The following SEPTIN7 variants were observed in gnomAD, a reference collection of about 807,000 sequenced individuals.
The protein encoded by SEPTIN7 is septin 7, also known as septin-7.
A neutral mutation model predicts 63.3 loss-of-function variants in SEPTIN7; 10 were observed. The ratio of observed to expected loss-of-function variants is 0.16; its 90% CI spans 0.10 to 0.27. SEPTIN7 has a LOEUF of 0.27. Among genes scored for constraint, SEPTIN7 ranks in the 10% least tolerant of loss-of-function variants. SEPTIN7 has a pLI of 1.00. For missense variants in SEPTIN7, 310 were observed against 521.0 expected, an observed-to-expected ratio of 0.59 and a Z score of 3.94; for synonymous variants, 131 against 165.3, an observed-to-expected ratio of 0.79 and a Z score of 1.59.
intron 4 of SEPTIN7, among the ~76,000 whole-genome samples, chr7:35,869,462 T>A (rs911176058): frequency 6.6e-6 from 1 of 152,196 alleles, no homozygotes; most frequent in Non-Finnish European, 1.5e-5. Flanking sequence ...CATTCCAATG[T>A]CTTCAGAGTT....
intron 3 of SEPTIN7, among the ~76,000 whole-genome samples, chr7:35,849,782 A>G (rs1206844770): frequency 6.6e-6 from 1 of 152,200 alleles, no homozygotes; most frequent in Non-Finnish European, 1.5e-5. Context: ...TTTATTAAAG[A>G]TCAGTAAAAG....
chr7:35,825,983 A>G (rs940160244), intron 1 of SEPTIN7, among the ~76,000 whole-genome samples: 1 of 152,120 alleles, frequency 6.6e-6, no homozygotes, highest in African/African-American at 2.4e-5. Flanking sequence ...TAAATAGGTT[A>G]TGAACCTTTA....
At chr7:35,801,406 C>T in intron 1 of SEPTIN7, 136 bp downstream of exon 1, 1 of 1,114,112 alleles carries the variant, frequency 9.0e-7, no homozygotes, top group Non-Finnish European at 1.2e-6. Context: ...GGATGGGGGC[C>T]ACTGCGGGCC....
chr7:35,802,317 G>T (rs1185111282), intron 1 of SEPTIN7: 2 of 314,350 alleles, frequency 6.4e-6, no homozygotes, highest in Admixed American at 3.2e-5. Flanking sequence ...ATTTCCATTT[G>T]CTGAGTTACT....
chr7:35,899,753 C>T (rs1788197266), intron 12 of SEPTIN7: 3 of 152,014 alleles, frequency 2.0e-5, no homozygotes, highest in African/African-American at 7.3e-5. Context: ...GCATGATGGC[C>T]TGCACCTATG....
At chr7:35,801,051 A>G, upstream of SEPTIN7, 1 of 490,116 alleles carries the variant, frequency 2.0e-6, no homozygotes, top group South Asian at 3.4e-5. Context: ...CGGAGGAGGG[A>G]GCGGGAGTCG....
intron 3 of SEPTIN7, among the ~76,000 whole-genome samples, chr7:35,845,462 CGG>C (rs1227778543): frequency 6.6e-6 from 1 of 152,080 alleles, no homozygotes; most frequent in Non-Finnish European, 1.5e-5. Context: ...TATAAACATT[CGG>C]GGCAAATGTG....
chr7:35,915,308 C>T, the SEPTIN7 span, among the ~76,000 whole-genome samples: 6 of 152,134 alleles, frequency 3.9e-5, no homozygotes, highest in African/African-American at 1.4e-4. Context: ...TGCACCTGCT[C>T]ATACACACAC....
chr7:35,883,874 A>C lies in SEPTIN7; in HGVS notation c.724-17A>C. On this transcript the variant is annotated splice_polypyrimidine_tract_variant and intron_variant, in intron 8 of 13. Transcript: ENST00000350320. Reference sequence around the variant, plus strand: ...GACTACAGAGATGTATTTGAACAAGAATACTTTGTTTTATAGGACCGTTTA... The same window carrying C: ...GACTACAGAGATGTATTTGAACAAGCATACTTTGTTTTATAGGACCGTTTA... 1 of 1,476,190 alleles carries C rather than the reference A, an allele frequency of 6.8e-7. No homozygotes were observed. Among genetic ancestry groups the C allele is most frequent in the Middle Eastern group, 2.4e-4 (1 of 4,198 alleles). The allele number at this position is 1,476,190 out of a possible 1,614,324, so 91.4% of individuals were successfully genotyped here.
At position 35,809,636 on chromosome 7, in the gene SEPTIN7, G is replaced by A. The variant is rs187886790; in HGVS notation, c.61+8366G>A. On this transcript the variant is annotated intron_variant, in intron 1 of 13. Coordinates refer to ENST00000350320, the MANE Select transcript of SEPTIN7 (RefSeq NM_001788.6). ...TGGAGAAGGTGAATCTTTGAAAGTC[G>A]GTAGGAGTGATTAGGTAAAGGAGGT... 5.9e-5 allele frequency among the ~76,000 whole-genome samples: 9 copies of A among 152,288 alleles called. No individual in the cohort carries two copies. The East Asian group carries it at 1.7e-3, about 29-fold the overall frequency.
rs546185892 is a variant in SEPTIN7, at chr7:35,829,053, C to G, written c.62-2439C>G. On this transcript the variant is annotated intron_variant, in intron 1 of 13. Transcript: ENST00000350320. ...TGAGTCCCAAATGATCAGGCCCCTG[C>G]TTGCCTCCCTGACCTCATTTCCTAT... Among the ~76,000 whole-genome samples the G allele has an allele frequency of 6.1e-4, 92 of 151,860 alleles. 1 individual carries two copies. The highest frequency in any genetic ancestry group is 2.1e-3 in the African/African-American group (86 of 41,412).
chr7:35,913,423 TTCTC>T, the SEPTIN7 span, among the ~76,000 whole-genome samples: 2 of 151,880 alleles, frequency 1.3e-5, no homozygotes, highest in Admixed American at 6.6e-5. Context: ...TTCTTTCTTT[TTCTC>T]TCTCTTTCTT....
chr7:35,838,046 A>G (rs1421832300), intron 3 of SEPTIN7, among the ~76,000 whole-genome samples: 1 of 151,742 alleles, frequency 6.6e-6, no homozygotes, highest in Non-Finnish European at 1.5e-5. Context: ...GTTATTGTTT[A>G]TTTATCTTTG....
intron 1 of SEPTIN7, among the ~76,000 whole-genome samples, chr7:35,813,731 A>G (rs1788881066): frequency 6.6e-6 from 1 of 152,124 alleles, no homozygotes; most frequent in Non-Finnish European, 1.5e-5. Flanking sequence ...AAGTCCTATC[A>G]TCTGTTAAGG....
intron 3 of SEPTIN7, among the ~76,000 whole-genome samples, chr7:35,846,137 G>A (rs942768266): frequency 1.1e-4 from 16 of 152,106 alleles, no homozygotes; most frequent in African/African-American, 3.9e-4. Context: ...CTGCATCTTA[G>A]GCATAGCTGT....
At chr7:35,907,354 C>T (rs774608865), downstream of SEPTIN7, among the ~76,000 whole-genome samples, 5 of 152,164 alleles carry the variant, frequency 3.3e-5, no homozygotes, top group Non-Finnish European at 7.4e-5. Flanking sequence ...AAAAACTTCC[C>T]ATAACTGTCC....
downstream of SEPTIN7, among the ~76,000 whole-genome samples, chr7:35,908,452 G>A (rs770173675): frequency 4.6e-5 from 7 of 152,134 alleles, no homozygotes; most frequent in Non-Finnish European, 5.9e-5. Flanking sequence ...CTTGTTCTGC[G>A]CCAGGCTCTC....
At chr7:35,862,587 A>G (rs1010357309) in intron 3 of SEPTIN7, among the ~76,000 whole-genome samples, 3 of 152,122 alleles carry the variant, frequency 2.0e-5, no homozygotes, top group South Asian at 4.1e-4. Flanking sequence ...TCTAGTAAAA[A>G]TTGGCACGCT....
At chr7:35,914,784 CTCTT>C in the SEPTIN7 span, among the ~76,000 whole-genome samples, 7 of 151,852 alleles carry the variant, frequency 4.6e-5, no homozygotes, top group African/African-American at 9.7e-5. Flanking sequence ...TCTATTCTCT[CTCTT>C]TCATTCTCTC....
Sources: allele counts gnomAD v4.1 joint callset (sites outside exome capture counted in the v4.1 genomes callset), GRCh38; gene constraint gnomAD v4.1.1; transcripts MANE v1.5; gene names NCBI Gene and HGNC (gene_info 2026-07-23, HGNC 2026-07-21).